SLC2A9: variants seen among roughly 807,000 people sequenced by gnomAD.
SLC2A9 encodes solute carrier family 2, facilitated glucose transporter member 9.
In SLC2A9, 39 loss-of-function variants were observed where a neutral mutation model predicts 50.6. That is an observed-to-expected ratio of 0.77 (90% CI 0.60 to 1.01). SLC2A9 has a LOEUF of 1.01. SLC2A9 is among the 50% of genes least tolerant of loss of function. SLC2A9 has a pLI of 0.00. For missense variants in SLC2A9, 686 were observed against 677.6 expected (o/e 1.01, Z -0.14); for synonymous variants, 324 against 276.9 (o/e 1.17, Z -1.69).
At chr4:9,835,081 G>A (rs936916567) in intron 10 of SLC2A9, 73 bp from the exon 11 acceptor site, 1 of 1,607,424 alleles carries the variant, frequency 6.2e-7, no homozygotes, top group African/African-American at 1.3e-5. Context: ...ATCTCCATCT[G>A]CCACACTTTA....
chr4:9,820,383 C>T (rs1724236624), intron 3 of SLC2A9, among the ~76,000 whole-genome samples: 1 of 152,108 alleles, frequency 6.6e-6, no homozygotes, highest in African/African-American at 2.4e-5. Context: ...ATCTTAAAAT[C>T]GGGTAGTATG....
At chr4:10,028,259 G>A (rs1763818688) in intron 1 of SLC2A9, among the ~76,000 whole-genome samples, 1 of 152,222 alleles carries the variant, frequency 6.6e-6, no homozygotes, top group African/African-American at 2.4e-5. Flanking sequence ...AGAAATGACT[G>A]GGAGTAATGT....
chr4:9,815,892 G>A (rs912509447), intron 3 of SLC2A9, among the ~76,000 whole-genome samples: 5 of 152,102 alleles, frequency 3.3e-5, no homozygotes, highest in Admixed American at 6.6e-5. Context: ...AAATGAGGCC[G>A]GGCACGGTAG....
chr4:9,887,610 G>C lies in SLC2A9; in HGVS notation c.1248C>G (p.Ile416Met). Residue 416 changes from isoleucine to methionine, a missense_variant, in exon 10 of 12, where the codon ATC becomes ATG. Physicochemically the swap from Ile to Met is conservative, Grantham distance 10 (BLOSUM62 1). Transcript: ENST00000264784. ...AGGCGATGATGGCCAGAATGCCCAC[G>C]ATACTCAGGTAGGGGACCCAGGGGG... ...DHAPWVPYLS[I>M]VGILAIIASF... 7.0e-6 allele frequency: 11 copies of C among 1,567,290 alleles called. No individual in the cohort carries two copies. Among genetic ancestry groups the C allele is most frequent in the Non-Finnish European group, 9.5e-6 (11 of 1,155,536 alleles).
At position 9,906,450 on chromosome 4, in the gene SLC2A9, AT is replaced by A. The variant is rs561415454; in HGVS notation, c.1113+1784del. 3.3e-5 allele frequency among the ~76,000 whole-genome samples: 5 copies of A among 152,356 alleles called. No homozygotes were observed. The East Asian group carries it at 5.8e-4, about 18-fold the overall frequency. ...ATATATGATACACTTCAACAAAAAA[AT>A]AATAAATAAGAAAATGGAGAGTCAT... On this transcript the variant is annotated intron_variant, in intron 8 of 11. Transcript: ENST00000264784.
intron 10 of SLC2A9, among the ~76,000 whole-genome samples, chr4:9,837,106 A>C (rs1727237237): frequency 6.6e-6 from 1 of 152,094 alleles, no homozygotes; most frequent in South Asian, 2.1e-4. Context: ...ACCTCCCACT[A>C]CACTGTGAGC....
At position 9,832,926 on chromosome 4, in the gene SLC2A9, CCT is replaced by C. The variant is rs137970815; in HGVS notation, c.1419+1953_1419+1954del. ...AGCAAGGTCTTTCACACCCCACACC[CCT>C]GAGTGGCTCAGAAGATAGTGGCCTG... On this transcript the variant is annotated intron_variant, in intron 11 of 11. Coordinates refer to ENST00000264784, the MANE Select transcript of SLC2A9 (RefSeq NM_020041.3). Among the ~76,000 whole-genome samples, 1,486 of 152,264 alleles carry C rather than the reference CCT, an allele frequency of 9.8e-3. 27 individuals are homozygous for C. Among genetic ancestry groups the C allele is most frequent in the African/African-American group, 0.034 (1,403 of 41,532 alleles).
At chr4:9,942,279 T>C (rs1257411430) in intron 5 of SLC2A9, among the ~76,000 whole-genome samples, 2 of 152,216 alleles carry the variant, frequency 1.3e-5, no homozygotes, top group African/African-American at 4.8e-5. Flanking sequence ...GATAGTGACC[T>C]GCAAGGTAGC....
intron 11 of SLC2A9, 104 bp downstream of exon 11, chr4:9,834,777 T>C (rs543020752): frequency 3.9e-6 from 6 of 1,543,824 alleles, no homozygotes; most frequent in Non-Finnish European, 5.3e-6. Flanking sequence ...AGCATGAGTT[T>C]CCAGTTGAGA....
At chr4:9,801,722 C>G (rs985391114) in intron 3 of SLC2A9, among the ~76,000 whole-genome samples, 1 of 152,144 alleles carries the variant, frequency 6.6e-6, no homozygotes, top group African/African-American at 2.4e-5. Flanking sequence ...ACTGTCCCCC[C>G]GAGCAGCAGC....
chr4:10,011,067 T>C (rs1578325613), intron 2 of SLC2A9, among the ~76,000 whole-genome samples: 1 of 152,196 alleles, frequency 6.6e-6, no homozygotes, highest in Non-Finnish European at 1.5e-5. Flanking sequence ...CAGCTACTCT[T>C]GAACCCCTCA....
chr4:9,992,659 G>C (rs1356441318), intron 3 of SLC2A9, among the ~76,000 whole-genome samples: 1 of 152,222 alleles, frequency 6.6e-6, no homozygotes, highest in African/African-American at 2.4e-5. Flanking sequence ...TGACAATGGA[G>C]CCAACACAAA....
intron 6 of SLC2A9, 61 bp from the exon 7 acceptor site, chr4:9,920,633 C>T (rs1197153440): frequency 3.1e-6 from 5 of 1,596,598 alleles, no homozygotes; most frequent in Admixed American, 1.7e-5. Flanking sequence ...ATGTCTAATG[C>T]TGGGCCCTGC....
chr4:10,023,628 C>T (rs1346845542), upstream of SLC2A9, among the ~76,000 whole-genome samples: 5 of 152,202 alleles, frequency 3.3e-5, no homozygotes, highest in Non-Finnish European at 7.3e-5. Flanking sequence ...GAGATGGGTC[C>T]CTCCCGGATC....
chr4:9,839,113 A>G (rs988761971), intron 10 of SLC2A9, among the ~76,000 whole-genome samples: 13 of 151,984 alleles, frequency 8.6e-5, no homozygotes, highest in Admixed American at 2.6e-4. Flanking sequence ...TCTGACAAAG[A>G]TCCAGCATCT....
chr4:9,800,528 T>C (rs1721252248), intron 3 of SLC2A9, among the ~76,000 whole-genome samples: 1 of 152,146 alleles, frequency 6.6e-6, no homozygotes, highest in African/African-American at 2.4e-5. Context: ...TGATGACACC[T>C]TGGTCTCGGA....
At chr4:9,857,464 G>A (rs920135235) in intron 10 of SLC2A9, among the ~76,000 whole-genome samples, 1 of 152,164 alleles carries the variant, frequency 6.6e-6, no homozygotes, top group Non-Finnish European at 1.5e-5. Context: ...TGGATGACTG[G>A]TTCTTTACTC....
intron 1 of SLC2A9, among the ~76,000 whole-genome samples, chr4:10,038,765 C>T (rs1269613572): frequency 6.6e-6 from 1 of 152,090 alleles, no homozygotes; most frequent in Non-Finnish European, 1.5e-5. Context: ...GAGCCTCGGA[C>T]GGCAAGCTAA....
chr4:9,833,740 T>G (rs972831811), intron 11 of SLC2A9, among the ~76,000 whole-genome samples: 4 of 152,086 alleles, frequency 2.6e-5, no homozygotes, highest in Non-Finnish European at 4.4e-5. Context: ...GAACTGAGTG[T>G]CCAGAATAGT....
Sources: allele counts gnomAD v4.1 joint callset (sites outside exome capture counted in the v4.1 genomes callset), GRCh38; gene constraint gnomAD v4.1.1; transcripts MANE v1.5; gene names NCBI Gene and HGNC (gene_info 2026-07-23, HGNC 2026-07-21).